MEI4: variants seen among roughly 807,000 people sequenced by gnomAD.
MEI4 encodes meiotic double-stranded break formation protein 4.
Under a neutral mutation model 31.4 loss-of-function variants are expected in MEI4, and 27 were observed. The observed-to-expected ratio is 0.86, with a 90% CI of 0.63 to 1.19. The LOEUF (loss-of-function observed/expected upper bound fraction) is 1.19. Among genes scored for constraint, MEI4 ranks in the 50% most tolerant of loss-of-function variants. The pLI is 0.00. For missense variants in MEI4, 329 were observed against 398.9 expected, an observed-to-expected ratio of 0.82 and a Z score of 1.49; for synonymous variants, 122 against 145.4, an observed-to-expected ratio of 0.84 and a Z score of 1.16.
chr6:77,708,144 C>T (rs1478673536), intron 2 of MEI4, among the ~76,000 whole-genome samples: 1 of 152,176 alleles, frequency 6.6e-6, no homozygotes, highest in Non-Finnish European at 1.5e-5. Context: ...GCACCCTGAG[C>T]CTGGAAAAGC....
intron 2 of MEI4, among the ~76,000 whole-genome samples, chr6:77,752,369 C>T (rs906391997): frequency 7.2e-5 from 11 of 152,056 alleles, no homozygotes; most frequent in African/African-American, 2.4e-4. Flanking sequence ...TTTAGAAACC[C>T]CCATTGTCTC....
At chr6:77,679,281 A>G (rs1768907137) in intron 1 of MEI4, among the ~76,000 whole-genome samples, 1 of 152,228 alleles carries the variant, frequency 6.6e-6, no homozygotes, top group Admixed American at 6.5e-5. Context: ...CAACTTCCAG[A>G]CATGTAAGAA....
intron 4 of MEI4, among the ~76,000 whole-genome samples, chr6:77,854,256 T>C (rs1411820749): frequency 3.3e-5 from 5 of 151,962 alleles, no homozygotes; most frequent in Non-Finnish European, 5.9e-5. Flanking sequence ...AATTTACCCC[T>C]CAATATTTGA....
At chr6:77,742,037 G>A (rs941484335) in intron 2 of MEI4, among the ~76,000 whole-genome samples, 1 of 151,826 alleles carries the variant, frequency 6.6e-6, no homozygotes, top group Admixed American at 6.6e-5. Flanking sequence ...CATTTGGCTT[G>A]GTTCCAAGTC....
At chr6:77,655,774 AGT>A (rs1768383096) in intron 1 of MEI4, among the ~76,000 whole-genome samples, 4 of 152,310 alleles carry the variant, frequency 2.6e-5, no homozygotes, top group African/African-American at 9.6e-5. Flanking sequence ...GACAGACGTC[AGT>A]AGACTCAGAG....
At chr6:77,909,296 C>A (rs1195985971) in intron 4 of MEI4, among the ~76,000 whole-genome samples, 1 of 151,826 alleles carries the variant, frequency 6.6e-6, no homozygotes, top group South Asian at 2.1e-4. Flanking sequence ...ATCAACAAAA[C>A]TGATAGACCG....
Position 77,913,165 on chromosome 6 carries a change from T to C in MEI4, c.901-9924T>C, listed in dbSNP as rs376354486. On this transcript the variant is annotated intron_variant, in intron 4 of 4. Coordinates refer to ENST00000684080, the MANE Select transcript of MEI4 (RefSeq NM_001322247.2). The stretch of plus-strand genomic sequence containing the variant: ...ACTTGATCGCAGTGTATTTTCCTTT[T>C]GATGCGCTGTGTATTTGGTTTTCTA... 1.2e-4 allele frequency among the ~76,000 whole-genome samples: 18 copies of C among 152,300 alleles called. No homozygotes were observed. The East Asian group carries it at 3.1e-3, about 26-fold the overall frequency.
chr6:77,769,071 T>G (rs1311107642), intron 3 of MEI4, among the ~76,000 whole-genome samples: 3 of 152,146 alleles, frequency 2.0e-5, no homozygotes, highest in Non-Finnish European at 2.9e-5. Flanking sequence ...TACCTGATTT[T>G]AACATTACAT....
At chr6:77,793,812 A>G (rs1385480064) in intron 3 of MEI4, among the ~76,000 whole-genome samples, 1 of 152,128 alleles carries the variant, frequency 6.6e-6, no homozygotes, top group Non-Finnish European at 1.5e-5. Context: ...AAGAGAAAAA[A>G]ATGAAAGCAT....
chr6:77,866,975 G>C (rs1169165997), intron 4 of MEI4, among the ~76,000 whole-genome samples: 1 of 152,162 alleles, frequency 6.6e-6, no homozygotes, highest in Non-Finnish European at 1.5e-5. Flanking sequence ...AATGGGGAAA[G>C]GATTCCCTAT....
At chr6:77,823,611 G>A (rs989783266) in intron 3 of MEI4, among the ~76,000 whole-genome samples, 2 of 152,170 alleles carry the variant, frequency 1.3e-5, no homozygotes, top group East Asian at 3.9e-4. Flanking sequence ...TGAGAAGAGA[G>A]TTTTTGTACT....
intron 2 of MEI4, among the ~76,000 whole-genome samples, chr6:77,700,894 C>T (rs1766204218): frequency 6.6e-6 from 1 of 152,072 alleles, no homozygotes; most frequent in Non-Finnish European, 1.5e-5. Context: ...TATAATGTCA[C>T]ATTTTTATCT....
At chr6:77,795,367 G>T (rs1277690557) in intron 3 of MEI4, among the ~76,000 whole-genome samples, 2 of 151,966 alleles carry the variant, frequency 1.3e-5, no homozygotes, top group African/African-American at 2.4e-5. Context: ...CTCTGTTAGA[G>T]GCAGCCTTCT....
intron 4 of MEI4, among the ~76,000 whole-genome samples, chr6:77,881,804 A>G (rs1193452562): frequency 6.6e-6 from 1 of 152,214 alleles, no homozygotes; most frequent in Non-Finnish European, 1.5e-5. Flanking sequence ...GAAAGTGTGA[A>G]ATATAAGGGG....
chr6:77,807,912 A>T (rs1473994939), intron 3 of MEI4, among the ~76,000 whole-genome samples: 4 of 152,220 alleles, frequency 2.6e-5, no homozygotes, highest in Non-Finnish European at 5.9e-5. Context: ...CAAAAAACAG[A>T]TGCTAAATTT....
At chr6:77,701,925 T>C (rs1766233134) in intron 2 of MEI4, among the ~76,000 whole-genome samples, 1 of 152,122 alleles carries the variant, frequency 6.6e-6, no homozygotes, top group African/African-American at 2.4e-5. Context: ...CCAGATGACT[T>C]TGGGAGCTTC....
chr6:77,699,336 C>G (rs1766147826), intron 2 of MEI4, among the ~76,000 whole-genome samples: 1 of 151,776 alleles, frequency 6.6e-6, no homozygotes, highest in Non-Finnish European at 1.5e-5. Context: ...ACTACAGGCG[C>G]CTGCCACTAC....
At chr6:77,810,910 A>G (rs1769561954) in intron 3 of MEI4, among the ~76,000 whole-genome samples, 2 of 152,094 alleles carry the variant, frequency 1.3e-5, no homozygotes, top group African/African-American at 4.8e-5. Context: ...TCTTGATTAG[A>G]TCTTTTGCTG....
In MEI4 at chr6:77,718,451, T is replaced by C. The variant is rs1312056824; in HGVS notation, c.232+27548T>C. Among the ~76,000 whole-genome samples the C allele has an allele frequency of 1.2e-3, 185 of 148,236 alleles. 1 individual carries two copies. Among genetic ancestry groups the C allele is most frequent in the African/African-American group, 4.4e-3 (174 of 39,764 alleles). On this transcript the variant is annotated intron_variant, in intron 2 of 4. Transcript: ENST00000684080. The stretch of plus-strand genomic sequence containing the variant: ...CAATCTTGTAGAATTTTTTTGCCCA[T>C]CATTAACAAAGTTTACTGACTGAAC...
Sources: gnomAD v4.1 joint callset for allele counts (sites outside exome capture counted in the v4.1 genomes callset) on GRCh38, gnomAD v4.1.1 for gene constraint, MANE v1.5 for transcripts, NCBI Gene and HGNC (gene_info 2026-07-23, HGNC 2026-07-21) for gene names.